Variants in USP35 observed in about 807,000 individuals in gnomAD.
USP35 encodes ubiquitin specific peptidase 35, also known as ubiquitin carboxyl-terminal hydrolase 35.
USP35 carries 69 observed loss-of-function variants against 83.8 expected under a neutral mutation model. The ratio of observed to expected loss-of-function variants is 0.82; its 90% CI spans 0.68 to 1.01. The LOEUF is 1.01. Ranked by LOEUF, USP35 falls within the 50% of genes least tolerant of loss-of-function variation. The pLI is 0.00. For missense variants in USP35, 1,503 were observed against 1,362.5 expected, an observed-to-expected ratio of 1.10 and a Z score of -1.62; for synonymous variants, 714 against 589.5, an observed-to-expected ratio of 1.21 and a Z score of -3.06.
In USP35 at chr11:78,214,682, A is replaced by T. The variant is rs2511160; in HGVS notation, c.*869A>T. On this transcript the variant is annotated 3_prime_UTR_variant, in exon 11 of 11. Transcript: ENST00000529308. Reference sequence around the variant, plus strand: ...GAAGACAAGACAGACACCCATGTTCATAAATAAATAAAAGTAAGCCTAAGC... The same window carrying T: ...GAAGACAAGACAGACACCCATGTTCTTAAATAAATAAAAGTAAGCCTAAGC... 0.93 allele frequency: 141,343 copies of T among 152,002 alleles called. 65,976 individuals are homozygous for T. The highest frequency in any genetic ancestry group is 0.98 in the African/African-American group (40,901 of 41,550). The allele number at this position is 152,002 out of a possible 1,614,324, so 9.4% of individuals were successfully genotyped here.
At chr11:78,190,907 T>A (rs1862984060) in intron 1 of USP35, among the ~76,000 whole-genome samples, 1 of 152,164 alleles carries the variant, frequency 6.6e-6, no homozygotes, top group Admixed American at 6.5e-5. Context: ...TGAGTTCATC[T>A]CCACCCCTGC....
chr11:78,205,932 C>A lies in USP35; in HGVS notation c.1288C>A (p.Pro430Thr). The change falls in exon 7 of 11, where the codon CCC becomes ACC. Residue 430 changes from proline to threonine, a missense_variant. Transcript: ENST00000529308. ...GAAGAGCGAGCTGGCGGGTTTCTATCCCCGGCTCATGGCCAAGTCAGACAC... is the reference window on the plus strand; with the variant it reads ...GAAGAGCGAGCTGGCGGGTTTCTATACCCGGCTCATGGCCAAGTCAGACAC... ...SQKSELAGFY[P>T]RLMAKSDTGK... 1.2e-6 allele frequency: 2 copies of A among 1,614,270 alleles called. No individual in the cohort carries two copies. Among genetic ancestry groups the A allele is most frequent in the Non-Finnish European group, 1.7e-6 (2 of 1,180,048 alleles).
chr11:78,226,758 T>A, the USP35 span: 1 of 1,613,900 alleles, frequency 6.2e-7, no homozygotes, highest in African/African-American at 1.3e-5. Context: ...GTCCCCGAAC[T>A]CCCTGCACAG....
chr11:78,223,368 C>G, the USP35 span: 1 of 1,443,046 alleles, frequency 6.9e-7, no homozygotes, highest in Non-Finnish European at 9.2e-7. Flanking sequence ...GAAAGAGTCC[C>G]TAGCCACTGT....
the USP35 span, chr11:78,226,375 C>G: frequency 9.6e-7 from 1 of 1,037,202 alleles, no homozygotes; most frequent in Admixed American, 1.7e-5. Flanking sequence ...AAGTTCCCCT[C>G]GGCCATGGAT....
the USP35 span, among the ~76,000 whole-genome samples, chr11:78,222,444 A>T: frequency 2.0e-4 from 31 of 151,266 alleles, no homozygotes; most frequent in African/African-American, 6.5e-4. Context: ...CAGAATCAAA[A>T]GTGGGGACAC....
chr11:78,226,824 G>A, the USP35 span: 1 of 1,614,042 alleles, frequency 6.2e-7, no homozygotes, highest in Non-Finnish European at 8.5e-7. Context: ...CTCGGAGCCT[G>A]TGAGGCTGCC....
rs535697834 is a variant in USP35, at chr11:78,214,239, T to TG, written c.*434dup. ...AGGATCCAAGCCTTGCACAAAGGGGTGGGGGGGGCAGTGTCTCCTCTGGCT... is the reference window on the plus strand; with the variant it reads ...AGGATCCAAGCCTTGCACAAAGGGGTGGGGGGGGGCAGTGTCTCCTCTGGCT... On this transcript the variant is annotated 3_prime_UTR_variant, in exon 11 of 11. Coordinates refer to ENST00000529308, the MANE Select transcript of USP35 (RefSeq NM_020798.4). The TG allele has an allele frequency of 0.039, 3,183 of 81,312 alleles. 126 individuals are homozygous for TG. The highest frequency in any genetic ancestry group is 0.14 in the African/African-American group (2,499 of 17,890). 5.0% of individuals were successfully genotyped at this position (81,312 alleles called of 1,614,324 possible). A position where few individuals can be genotyped will look rare whatever the true frequency, so the allele number is the denominator to read the frequency against.
intron 4 of USP35, 150 bp downstream of exon 4, chr11:78,199,874 G>T: frequency 1.5e-6 from 2 of 1,317,772 alleles, no homozygotes; most frequent in East Asian, 2.4e-5. Flanking sequence ...CTGGGCCTCA[G>T]ATTCTCCCCA....
chr11:78,201,337 G>T (rs1441741813), intron 6 of USP35, among the ~76,000 whole-genome samples: 1 of 152,186 alleles, frequency 6.6e-6, no homozygotes, highest in Non-Finnish European at 1.5e-5. Flanking sequence ...TCGTTCACAT[G>T]ACTTTACTGA....
intron 2 of USP35, among the ~76,000 whole-genome samples, chr11:78,197,551 A>C (rs1409093720): frequency 6.6e-6 from 1 of 152,194 alleles, no homozygotes; most frequent in East Asian, 1.9e-4. Flanking sequence ...AACTGAGGAC[A>C]ACAGACTTCG....
chr11:78,196,674 G>A lies in USP35; in HGVS notation c.429G>A (p.Gln143=). The change falls in exon 2 of 11, where the codon CAG becomes CAA. Residue 143 remains glutamine, a synonymous_variant. Transcript: ENST00000529308. The surrounding 1 kb of genome is among the most constrained non-coding windows in gnomAD (Gnocchi z 4.8). The part of the protein sequence containing the change: ...CERPGPAACA[Q]VARLLARHPR... ...GCCCGGGCCCCGCGGCCTGCGCGCA[G>A]GTGGCACGGCTGCTGGCTCGCCACC... 1.4e-6 allele frequency: 2 copies of A among 1,472,430 alleles called. No homozygotes were observed. Among genetic ancestry groups the A allele is most frequent in the East Asian group, 2.8e-5 (1 of 36,302 alleles). 91.2% of individuals were successfully genotyped at this position (1,472,430 alleles called of 1,614,324 possible).
intron 10 of USP35, 50 bp from the exon 11 acceptor site, chr11:78,213,596 C>T (rs1863897886): frequency 7.0e-7 from 1 of 1,435,912 alleles, no homozygotes; most frequent in African/African-American, 1.5e-5. Context: ...CTCACTCTGG[C>T]TTCAGGGTGT....
chr11:78,188,943 C>G lies in USP35; in HGVS notation c.-225C>G, dbSNP rs73507207. On this transcript the variant is annotated 5_prime_UTR_variant, in exon 1 of 11. Coordinates refer to ENST00000529308, the MANE Select transcript of USP35 (RefSeq NM_020798.4). ...CAGCCCCGGGGCCGCGCCGCAGAGT[C>G]GGGCTTCCTGGATACATAGAGGCTT... is the stretch of plus-strand genomic sequence containing the variant. 5,643 of 985,642 alleles carry G rather than the reference C, an allele frequency of 5.7e-3. 216 individuals are homozygous for G. In the African/African-American group the frequency reaches 0.091, roughly 16 times the overall value. The allele number at this position is 985,642 out of a possible 1,614,324, so 61.1% of individuals were successfully genotyped here.
At chr11:78,216,569 G>GTA (rs1042412345), downstream of USP35, 1 of 149,350 alleles carries the variant, frequency 6.7e-6, no homozygotes, top group African/African-American at 2.6e-5. Flanking sequence ...AGGGATTTTG[G>GTA]TAGTTACCAG....
intron 6 of USP35, among the ~76,000 whole-genome samples, chr11:78,201,127 C>T (rs1017267062): frequency 6.6e-6 from 1 of 152,216 alleles, no homozygotes; most frequent in Non-Finnish European, 1.5e-5. Context: ...TCCTGCTTAC[C>T]TTGTAAGTCT....
chr11:78,209,838 C>T lies in USP35; in HGVS notation c.1983C>T (p.Gly661=). The T allele has an allele frequency of 6.2e-7, 1 of 1,613,168 alleles. No homozygotes were observed. Among genetic ancestry groups the T allele is most frequent in the South Asian group, 1.1e-5 (1 of 90,966 alleles). Reference sequence around the variant, plus strand: ...CCCCCACCAGCCTGTACATCGAAGGCCTGGACTCCAAGGAAGCTGGTGGGC... The same window carrying T: ...CCCCCACCAGCCTGTACATCGAAGGTCTGGACTCCAAGGAAGCTGGTGGGC... ...DTPPTSLYIE[G]LDSKEAGGQS... is the part of the protein sequence containing the mutation. Residue 661 remains glycine, a synonymous_variant, in exon 10 of 11, where the codon GGC becomes GGT. Coordinates refer to ENST00000529308, the MANE Select transcript of USP35 (RefSeq NM_020798.4).
chr11:78,201,433 C>G (rs1863357605), intron 6 of USP35, among the ~76,000 whole-genome samples: 1 of 152,202 alleles, frequency 6.6e-6, no homozygotes, highest in African/African-American at 2.4e-5. Flanking sequence ...AGGATCGCAG[C>G]CTGGTGAGGG....
At chr11:78,191,750 G>A (rs61626798) in intron 1 of USP35, among the ~76,000 whole-genome samples, 1 of 151,998 alleles carries the variant, frequency 6.6e-6, no homozygotes, top group Non-Finnish European at 1.5e-5. Context: ...TCAGCAGTGC[G>A]TGTCTCCTTG....
Sources: gnomAD v4.1 joint callset for allele counts (sites outside exome capture counted in the v4.1 genomes callset) on GRCh38, gnomAD v4.1.1 for gene constraint, Gnocchi (gnomAD v3.1) non-coding constraint, MANE v1.5 for transcripts, NCBI Gene and HGNC (gene_info 2026-07-23, HGNC 2026-07-21) for gene names.